The following ZNF475 variants were observed in gnomAD, a reference collection of about 807,000 sequenced individuals.
ZNF475 encodes the protein zinc finger protein 475.
At chr5:122,162,195 T>C in the ZNF475 span, 1 of 152,182 alleles carries the variant, frequency 6.6e-6, no homozygotes, top group Non-Finnish European at 1.5e-5. Flanking sequence ...AAACAACATT[T>C]CCAAATGAAT....
At chr5:122,166,121 A>G in the ZNF475 span, among the ~76,000 whole-genome samples, 1 of 152,332 alleles carries the variant, frequency 6.6e-6, no homozygotes, top group East Asian at 1.9e-4. Context: ...CCTAAAGAAA[A>G]TAATTGTAGG....
the ZNF475 span, among the ~76,000 whole-genome samples, chr5:122,170,589 C>A: frequency 0.019 from 2,884 of 152,266 alleles, 40 homozygotes; most frequent in Non-Finnish European, 0.03. Context: ...ACTCCCAGCA[C>A]CTCAATGGAT....
At chr5:122,168,248 T>A in the ZNF475 span, among the ~76,000 whole-genome samples, 1 of 152,192 alleles carries the variant, frequency 6.6e-6, no homozygotes, top group Non-Finnish European at 1.5e-5. Context: ...TTCATCATGT[T>A]GGCCAGACTG....
At chr5:122,175,865 C>T in the ZNF475 span, among the ~76,000 whole-genome samples, 10 of 152,156 alleles carry the variant, frequency 6.6e-5, no homozygotes, top group African/African-American at 1.9e-4. Context: ...CAAAACAAAG[C>T]TTTCTTTTAC....
the ZNF475 span, among the ~76,000 whole-genome samples, chr5:122,175,175 C>T: frequency 3.9e-5 from 6 of 152,218 alleles, no homozygotes; most frequent in African/African-American, 1.4e-4. Flanking sequence ...TTTATTTTCC[C>T]TTTTTGCTTC....
At chr5:122,178,318 A>G in the ZNF475 span, among the ~76,000 whole-genome samples, 71 of 152,362 alleles carry the variant, frequency 4.7e-4, no homozygotes, top group African/African-American at 1.5e-3. Flanking sequence ...AAGAATCGCC[A>G]CACTGTCTTC....
chr5:122,171,367 G>A, the ZNF475 span, among the ~76,000 whole-genome samples: 2 of 152,128 alleles, frequency 1.3e-5, no homozygotes, highest in African/African-American at 4.8e-5. Flanking sequence ...TGACCTTAGT[G>A]AGTATCATTC....
the ZNF475 span, chr5:122,162,093 G>A: frequency 1.3e-5 from 2 of 151,982 alleles, no homozygotes; most frequent in Non-Finnish European, 2.9e-5. Flanking sequence ...TGTAGCTCAA[G>A]ATTAACAATT....
chr5:122,179,710 C>G, the ZNF475 span: 11 of 1,521,940 alleles, frequency 7.2e-6, no homozygotes, highest in Non-Finnish European at 9.6e-6. Context: ...CCTAAAAAAC[C>G]AGAAGTCAGG....
chr5:122,161,481 A>G, the ZNF475 span, among the ~76,000 whole-genome samples: 1 of 152,202 alleles, frequency 6.6e-6, no homozygotes, highest in South Asian at 2.1e-4. Context: ...AAAATATCTT[A>G]AAGTTAGAAT....
chr5:122,174,632 A>G, the ZNF475 span, among the ~76,000 whole-genome samples: 2 of 152,186 alleles, frequency 1.3e-5, no homozygotes, highest in Non-Finnish European at 2.9e-5. Context: ...TCAGTTGTTC[A>G]GTATGTGTCT....
At chr5:122,178,694 A>G in the ZNF475 span, among the ~76,000 whole-genome samples, 1 of 151,786 alleles carries the variant, frequency 6.6e-6, no homozygotes, top group Non-Finnish European at 1.5e-5. Context: ...TTGCCTGTTC[A>G]CTCTGATGGT....
chr5:122,166,507 G>A, the ZNF475 span, among the ~76,000 whole-genome samples: 2 of 151,820 alleles, frequency 1.3e-5, no homozygotes, highest in Admixed American at 6.6e-5. Flanking sequence ...CCAATCCCAC[G>A]ACAGGCCCCA....
At chr5:122,168,206 A>C in the ZNF475 span, among the ~76,000 whole-genome samples, 2 of 152,082 alleles carry the variant, frequency 1.3e-5, no homozygotes, top group African/African-American at 4.8e-5. Context: ...CATCATGCCC[A>C]GCTAATTTTT....
chr5:122,175,305 G>A, the ZNF475 span, among the ~76,000 whole-genome samples: 1 of 152,120 alleles, frequency 6.6e-6, no homozygotes, highest in Non-Finnish European at 1.5e-5. Flanking sequence ...AGTCCCAATA[G>A]TTATAGTTAG....
the ZNF475 span, among the ~76,000 whole-genome samples, chr5:122,175,519 A>T: frequency 9.2e-5 from 14 of 152,282 alleles, no homozygotes; most frequent in East Asian, 2.5e-3. Flanking sequence ...ATTCTTCCCT[A>T]ATTGAATCAT....
the ZNF475 span, among the ~76,000 whole-genome samples, chr5:122,167,367 A>G: frequency 6.6e-6 from 1 of 152,190 alleles, no homozygotes; most frequent in South Asian, 2.1e-4. Context: ...TCTTGATAAA[A>G]TATTTTCTAA....
chr5:122,179,983 C>T, the ZNF475 span: 9 of 275,988 alleles, frequency 3.3e-5, no homozygotes, highest in East Asian at 5.5e-4. Context: ...TTGCTGTATT[C>T]TCCAAAAGTT....
chr5:122,168,660 C>T, the ZNF475 span, among the ~76,000 whole-genome samples: 1 of 152,188 alleles, frequency 6.6e-6, no homozygotes, highest in Non-Finnish European at 1.5e-5. Context: ...TTGCAGTGAG[C>T]CGAGATCGTG....
Sources: gnomAD v4.1 joint callset for allele counts (sites outside exome capture counted in the v4.1 genomes callset) on GRCh38, gnomAD v4.1.1 for gene constraint, MANE v1.5 for transcripts, NCBI Gene and HGNC (gene_info 2026-07-23, HGNC 2026-07-21) for gene names.